Variants in KCTD1 observed in about 807,000 individuals in gnomAD.
KCTD1 encodes BTB/POZ domain-containing protein KCTD1.
Under a neutral mutation model 66.0 loss-of-function variants are expected in KCTD1, and 24 were observed. The observed-to-expected ratio is 0.36, with a 90% confidence interval of 0.26 to 0.51. The LOEUF is 0.51. Among genes scored for constraint, KCTD1 ranks in the 20% least tolerant of loss-of-function variants. KCTD1 has a pLI of 0.95. For missense variants in KCTD1, 943 were observed against 1,205.2 expected, an observed-to-expected ratio of 0.78 and a Z score of 3.22; for synonymous variants, 511 against 517.2, an observed-to-expected ratio of 0.99 and a Z score of 0.16.
chr18:26,496,395 G>A (rs1023152893), intron 2 of KCTD1, among the ~76,000 whole-genome samples: 2 of 151,960 alleles, frequency 1.3e-5, no homozygotes, highest in Non-Finnish European at 2.9e-5. Flanking sequence ...ATCTGAACTG[G>A]GTGTTTTTCT....
intron 1 of KCTD1, among the ~76,000 whole-genome samples, chr18:26,554,064 A>ATTCTTCT (rs1275797379): frequency 6.6e-6 from 1 of 150,660 alleles, no homozygotes; most frequent in Non-Finnish European, 1.5e-5. Context: ...TAGGAAGGAA[A>ATTCTTCT]GAAAGAATCT....
intron 1 of KCTD1, among the ~76,000 whole-genome samples, chr18:26,628,335 CAT>C (rs1190242157): frequency 1.3e-5 from 2 of 152,062 alleles, no homozygotes; most frequent in Non-Finnish European, 2.9e-5. Context: ...CACACACACA[CAT>C]GCACACACAC....
chr18:26,600,065 CAGA>C, intron 1 of KCTD1: 2 of 1,611,162 alleles, frequency 1.2e-6, no homozygotes. Context: ...CTGCTGGATC[CAGA>C]AGATTTGAAG....
chr18:26,579,051 T>A (rs11665077), intron 1 of KCTD1, among the ~76,000 whole-genome samples: 1 of 151,988 alleles, frequency 6.6e-6, no homozygotes, highest in African/African-American at 2.4e-5. Context: ...TTTTGTTTTT[T>A]TTTTCAGTCC....
rs750435638 is a variant in KCTD1, at chr18:26,455,115, T to TAA, written c.*626_*627dup. 3.9e-5 allele frequency: 6 copies of TAA among 152,252 alleles called. No homozygotes were observed. The highest frequency in any genetic ancestry group is 8.8e-5 in the Non-Finnish European group (6 of 68,028). 9.4% of individuals were successfully genotyped at this position (152,252 alleles called of 1,614,324 possible). ...AAAACTGATCAGTTTTAAAACAAAG[T>TAA]AAAGTTCACATCTGTGAGGTGGACA... is the stretch of plus-strand genomic sequence containing the variant. On this transcript the variant is annotated 3_prime_UTR_variant, in exon 5 of 5. Transcript: ENST00000580059.
chr18:26,652,464 T>A (rs1392575922), intron 1 of KCTD1, among the ~76,000 whole-genome samples: 2 of 152,236 alleles, frequency 1.3e-5, no homozygotes, highest in Non-Finnish European at 2.9e-5. Context: ...AACGGACTTT[T>A]AAAAAGCATC....
At chr18:26,479,180 G>A (rs934818068) in intron 2 of KCTD1, among the ~76,000 whole-genome samples, 20 of 152,266 alleles carry the variant, frequency 1.3e-4, no homozygotes, top group African/African-American at 4.6e-4. Context: ...CTGGCCCCAC[G>A]AATAACCTAG....
At chr18:26,600,784 G>A (rs568586) in intron 1 of KCTD1, among the ~76,000 whole-genome samples, 79,246 of 151,082 alleles carry the variant, frequency 0.52, 20,736 homozygotes, top group South Asian at 0.57. Flanking sequence ...TTTGTGACAC[G>A]AGTCAAGTGT....
At chr18:26,638,814 CATA>C (rs1987775905) in intron 1 of KCTD1, among the ~76,000 whole-genome samples, 1 of 152,246 alleles carries the variant, frequency 6.6e-6, no homozygotes, top group Non-Finnish European at 1.5e-5. Flanking sequence ...ATTCATTTTG[CATA>C]ATATTATTGC....
chr18:26,578,828 T>G (rs1466637080), intron 1 of KCTD1, among the ~76,000 whole-genome samples: 1 of 152,184 alleles, frequency 6.6e-6, no homozygotes, highest in Non-Finnish European at 1.5e-5. Flanking sequence ...TTGATCAAAT[T>G]ACACATCCAC....
At chr18:26,577,182 T>A (rs1440120900) in intron 1 of KCTD1, among the ~76,000 whole-genome samples, 1 of 152,220 alleles carries the variant, frequency 6.6e-6, no homozygotes, top group Non-Finnish European at 1.5e-5. Flanking sequence ...CTGTGTGCTT[T>A]GTGGATGTTA....
intron 2 of KCTD1, among the ~76,000 whole-genome samples, chr18:26,477,291 C>T (rs1981401229): frequency 6.6e-6 from 1 of 152,154 alleles, no homozygotes; most frequent in African/African-American, 2.4e-5. Context: ...TTGGCCACCC[C>T]CAAAATATGA....
At chr18:26,629,163 G>T in exon 1 of KCTD1, 3 of 984,908 alleles carry the variant, frequency 3.0e-6, no homozygotes, top group African/African-American at 1.7e-5. Flanking sequence ...TGATGGATTT[G>T]CCTTTATTCA....
At chr18:26,484,972 G>A (rs1002334272) in intron 2 of KCTD1, among the ~76,000 whole-genome samples, 7 of 152,198 alleles carry the variant, frequency 4.6e-5, no homozygotes, top group African/African-American at 1.7e-4. Context: ...GTATTGACCT[G>A]AGCGGGGTAG....
chr18:26,524,603 C>T (rs1984068901), intron 1 of KCTD1, among the ~76,000 whole-genome samples: 1 of 152,088 alleles, frequency 6.6e-6, no homozygotes, highest in Non-Finnish European at 1.5e-5. Context: ...CTTTAAGGAG[C>T]TGCCATACAC....
chr18:26,489,518 G>A (rs1179377511), intron 2 of KCTD1, among the ~76,000 whole-genome samples: 1 of 152,070 alleles, frequency 6.6e-6, no homozygotes, highest in East Asian at 1.9e-4. Context: ...AAAGTGTAGG[G>A]ATTACAGGCC....
chr18:26,479,536 A>G (rs1981524387), intron 2 of KCTD1, among the ~76,000 whole-genome samples: 1 of 152,224 alleles, frequency 6.6e-6, no homozygotes, highest in Non-Finnish European at 1.5e-5. Flanking sequence ...CAGAGCAGGC[A>G]AGGGGTGTGG....
At chr18:26,550,571 C>CACACAG (rs1985521289), upstream of KCTD1, among the ~76,000 whole-genome samples, 1 of 129,828 alleles carries the variant, frequency 7.7e-6, no homozygotes, top group South Asian at 2.6e-4. This position sits in a 1 kb window ranked among gnomAD's most constrained non-coding sequence, Gnocchi z 5.4. Flanking sequence ...CACAGACACA[C>CACACAG]ACACACACAC....
intron 3 of KCTD1, among the ~76,000 whole-genome samples, chr18:26,475,704 T>G (rs901443645): frequency 2.6e-5 from 4 of 151,968 alleles, no homozygotes; most frequent in African/African-American, 9.7e-5. Flanking sequence ...TATGAAAAAT[T>G]AGCTAGGCGT....
Sources: gnomAD v4.1 joint callset for allele counts (sites outside exome capture counted in the v4.1 genomes callset) on GRCh38, gnomAD v4.1.1 for gene constraint, Gnocchi (gnomAD v3.1) non-coding constraint, MANE v1.5 for transcripts, NCBI Gene and HGNC (gene_info 2026-07-23, HGNC 2026-07-21) for gene names.